Variants in PCDHA2 observed in about 807,000 individuals in gnomAD.
The protein encoded by PCDHA2 is protocadherin alpha-2.
Under a neutral mutation model 66.0 loss-of-function variants are expected in PCDHA2, and 58 were observed. The ratio of observed to expected loss-of-function variants is 0.88; its 90% CI spans 0.71 to 1.09. The LOEUF is 1.09. PCDHA2 is among the 50% of genes least tolerant of loss of function. The pLI is 0.00. For missense variants in PCDHA2, 1,267 were observed against 1,242.3 expected (o/e 1.02, Z -0.30); for synonymous variants, 634 against 554.0 (o/e 1.14, Z -2.03).
chr5:140,961,564 T>A (rs2095622037), intron 1 of PCDHA2, among the ~76,000 whole-genome samples: 1 of 152,208 alleles, frequency 6.6e-6, no homozygotes, highest in African/African-American at 2.4e-5. Flanking sequence ...TTTTAAATTT[T>A]GTTTTGATAA....
intron 1 of PCDHA2, chr5:140,811,439 T>G (rs1325760038): frequency 6.6e-6 from 1 of 152,240 alleles, no homozygotes; most frequent in Non-Finnish European, 1.5e-5. Context: ...TCCAAGTCTT[T>G]GCTATTGTGA....
chr5:140,869,476 G>T (rs530490517), intron 1 of PCDHA2: 1 of 1,614,194 alleles, frequency 6.2e-7, no homozygotes, highest in African/African-American at 1.3e-5. Flanking sequence ...GGAGGTGAAG[G>T]ACATTAACGA....
chr5:140,992,377 A>T (rs1258714441), intron 3 of PCDHA2, among the ~76,000 whole-genome samples: 1 of 152,150 alleles, frequency 6.6e-6, no homozygotes, highest in African/African-American at 2.4e-5. Flanking sequence ...CCATTACATT[A>T]TTGTGTTCTG....
intron 1 of PCDHA2, chr5:140,803,666 AC>A: frequency 6.2e-7 from 1 of 1,603,076 alleles, no homozygotes; most frequent in Non-Finnish European, 8.5e-7. Flanking sequence ...CTCTGGAAAT[AC>A]ATTAATAGTT....
At chr5:140,901,583 T>C (rs530803677) in intron 1 of PCDHA2, among the ~76,000 whole-genome samples, 14 of 152,340 alleles carry the variant, frequency 9.2e-5, no homozygotes, top group African/African-American at 3.4e-4. Context: ...GCCAGTGCCA[T>C]GATGTTTTGG....
rs782706780 is a variant in PCDHA2 at position 140,808,890 on chromosome 5, C to T, written c.2388+11538C>T. 1.9e-6 allele frequency: 3 copies of T among 1,613,284 alleles called. No homozygotes were observed. Among genetic ancestry groups the T allele is most frequent in the African/African-American group, 1.3e-5 (1 of 74,926 alleles). ...GACAACGCGCCAGCACTGCTAGCGC[C>T]TCGGGCGGGTGGCACTGGTGGCGCA... is the stretch of plus-strand genomic sequence containing the variant. On this transcript the variant is annotated intron_variant, in intron 1 of 3. Coordinates refer to ENST00000526136, the MANE Select transcript of PCDHA2 (RefSeq NM_018905.3).
intron 1 of PCDHA2, chr5:140,827,970 C>A (rs1398838770): frequency 2.2e-6 from 3 of 1,380,228 alleles, no homozygotes; most frequent in Non-Finnish European, 3.0e-6. Flanking sequence ...ATTACTGCAT[C>A]ATTCCCTGAC....
At chr5:140,892,623 C>T (rs2153438758) in intron 1 of PCDHA2, among the ~76,000 whole-genome samples, 1 of 152,114 alleles carries the variant, frequency 6.6e-6, no homozygotes, top group East Asian at 1.9e-4. Flanking sequence ...CCAGTTGGTA[C>T]ATAATAATTG....
In PCDHA2 at chr5:140,796,027, C is replaced by G. The variant is rs782551806; in HGVS notation, c.1063C>G (p.Leu355Val). Residue 355 changes from leucine to valine, a missense_variant, in exon 1 of 4, where the codon CTC (leucine) becomes GTC (valine). Physicochemically the swap from Leu to Val is conservative, Grantham distance 32 (BLOSUM62 1). Transcript: ENST00000526136. ...DNTPEVSITS[L>V]SLPISENASL... The stretch of plus-strand genomic sequence containing the variant: ...CACACCAGAAGTCTCAATAACGTCT[C>G]TCTCACTTCCCATCTCAGAGAACGC... The G allele has an allele frequency of 6.2e-7, 1 of 1,614,226 alleles. No homozygotes were observed. Among genetic ancestry groups the G allele is most frequent in the East Asian group, 2.2e-5 (1 of 44,894 alleles).
chr5:140,925,409 G>T (rs2082484194), intron 1 of PCDHA2, among the ~76,000 whole-genome samples: 1 of 152,078 alleles, frequency 6.6e-6, no homozygotes, highest in Admixed American at 6.5e-5. Flanking sequence ...CCTTCTTAGG[G>T]AAAGGAACTG....
intron 1 of PCDHA2, chr5:140,822,175 A>C (rs2150114299): frequency 6.2e-7 from 1 of 1,614,258 alleles, no homozygotes; most frequent in South Asian, 1.1e-5. Context: ...CAGGTTCTCC[A>C]GACAAGAACA....
chr5:140,855,718 G>T (rs1468611504), intron 1 of PCDHA2, among the ~76,000 whole-genome samples: 1 of 149,568 alleles, frequency 6.7e-6, no homozygotes, highest in Non-Finnish European at 1.5e-5. Flanking sequence ...AACATTTATT[G>T]TTATTAACTA....
At chr5:140,963,871 T>A (rs2095795562) in intron 1 of PCDHA2, among the ~76,000 whole-genome samples, 1 of 152,238 alleles carries the variant, frequency 6.6e-6, no homozygotes, top group Non-Finnish European at 1.5e-5. Context: ...GAGTTTTGCT[T>A]ACTATTGTTT....
intron 1 of PCDHA2, chr5:140,876,109 A>T: frequency 6.2e-7 from 1 of 1,613,946 alleles, no homozygotes; most frequent in Non-Finnish European, 8.5e-7. Context: ...TTTATTGCTG[A>T]TGGTAATCGA....
chr5:140,967,087 G>A (rs782556858), intron 1 of PCDHA2: 5 of 1,613,256 alleles, frequency 3.1e-6, no homozygotes, highest in South Asian at 1.1e-5. Flanking sequence ...GCATTGATCG[G>A]GAGGCGCTGT....
At position 140,837,344 on chromosome 5, in the gene PCDHA2, A is replaced by C. The variant is rs138416097; in HGVS notation, c.2388+39992A>C. ...GAAGAATTAATATGAACAATTTAAAATAGTTTAAATGGCAGTTTAATAGTA... is the reference window on the plus strand; with the variant it reads ...GAAGAATTAATATGAACAATTTAAACTAGTTTAAATGGCAGTTTAATAGTA... On this transcript the variant is annotated intron_variant, in intron 1 of 3. Transcript: ENST00000526136. Among the ~76,000 whole-genome samples, 56 of 152,138 alleles carry C rather than the reference A, an allele frequency of 3.7e-4. No individual in the cohort carries two copies. In the East Asian group the frequency reaches 0.01, roughly 28 times the overall value.
At chr5:140,880,812 G>C (rs782505360) in intron 1 of PCDHA2, among the ~76,000 whole-genome samples, 2 of 152,200 alleles carry the variant, frequency 1.3e-5, no homozygotes, top group Non-Finnish European at 2.9e-5. Flanking sequence ...AATGACTCTA[G>C]AGTGTCTGGA....
chr5:140,827,906 A>C, intron 1 of PCDHA2: 1 of 808,566 alleles, frequency 1.2e-6, no homozygotes, highest in Non-Finnish European at 2.0e-6. Context: ...TTGGAGCCGC[A>C]TGATGTCGCT....
At chr5:140,835,742 G>T in intron 1 of PCDHA2, 1 of 1,613,670 alleles carries the variant, frequency 6.2e-7, no homozygotes, top group Non-Finnish European at 8.5e-7. Flanking sequence ...ACAACGCCCC[G>T]GCGTTCGCGC....
Sources: allele counts gnomAD v4.1 joint callset (sites outside exome capture counted in the v4.1 genomes callset), GRCh38; gene constraint gnomAD v4.1.1; transcripts MANE v1.5; gene names NCBI Gene and HGNC (gene_info 2026-07-23, HGNC 2026-07-21).